The following ECEL1 variants were observed in gnomAD, a reference collection of about 807,000 sequenced individuals.
ECEL1 encodes endothelin-converting enzyme-like 1.
A neutral mutation model predicts 101.8 loss-of-function variants in ECEL1; 87 were observed. The observed-to-expected ratio is 0.85, with a 90% confidence interval of 0.72 to 1.02. The LOEUF is 1.02. ECEL1 is among the 50% of genes least tolerant of loss of function. The probability of loss-of-function intolerance (pLI) is 0.00; values close to 1 mark genes in which losing one functional copy is unlikely to be tolerated. For synonymous variants in ECEL1, 487 were observed against 468.7 expected (o/e 1.04, Z -0.50); for missense variants, 1,032 against 1,079.2 (o/e 0.96, Z 0.61).
At chr2:232,480,930 C>A in intron 15 of ECEL1, 117 bp from the exon 16 acceptor site, 2 of 1,342,892 alleles carry the variant, frequency 1.5e-6, no homozygotes, top group Admixed American at 2.1e-5. Context: ...CCCGTGAATC[C>A]TTCCTCTTCC....
rs956651139 is a variant in ECEL1 at position 232,483,868 on chromosome 2, C to T, written c.1407+133G>A. On this transcript the variant is annotated intron_variant, in intron 7 of 17. Transcript: ENST00000304546. ...GAGCAGCCTGGGGCCTCAGAATCGG[C>T]TGAGTACTTAGCAGGGCCTGGTCCC... 6 of 1,033,436 alleles carry T rather than the reference C, an allele frequency of 5.8e-6. No individual in the cohort carries two copies. In the African/African-American group the frequency reaches 9.6e-5, roughly 17 times the overall value. The allele number at this position is 1,033,436 out of a possible 1,614,324, so 64.0% of individuals were successfully genotyped here. A position where few individuals can be genotyped will look rare whatever the true frequency, so the allele number is the denominator to read the frequency against.
chr2:232,480,279 G>GT lies in ECEL1; in HGVS notation c.2229-28dup, dbSNP rs1195576703. The GT allele has an allele frequency of 1.9e-6, 3 of 1,612,816 alleles. No individual in the cohort carries two copies. The South Asian group carries it at 3.3e-5, about 18-fold the overall frequency. ...TGGGGTGGGGAGAGACCCACACAGT[G>GT]TTGGGCCCTGCAGCCACTCCAGCCC... On this transcript the variant is annotated intron_variant, in intron 17 of 17. Transcript: ENST00000304546.
chr2:232,486,348 G>C lies in ECEL1; in HGVS notation c.306C>G (p.Arg102=), dbSNP rs1374576142. Residue 102 remains arginine, a synonymous_variant, in exon 2 of 18, where the codon CGC becomes CGG. Transcript: ENST00000304546. ...AGCGAGCGGCGCGCGCGAAGGCCTT[G>C]CGCTCAGGGCAGCCCTCGGGACAGG... ...GGACPEGCPE[R]KAFARAARFL... is the part of the protein sequence containing the mutation. The C allele has an allele frequency of 2.6e-6, 4 of 1,543,886 alleles. No homozygotes were observed. The Admixed American group carries it at 7.7e-5, about 30-fold the overall frequency.
intron 8 of ECEL1, 115 bp from the exon 9 acceptor site, chr2:232,483,294 T>A (rs1272363872): frequency 7.4e-7 from 1 of 1,351,736 alleles, no homozygotes; most frequent in Non-Finnish European, 1.0e-6. Flanking sequence ...GGCTTCACAG[T>A]GGGGGAGGCA....
At chr2:232,484,408 G>A in intron 6 of ECEL1, 64 bp downstream of exon 6, 1 of 1,599,998 alleles carries the variant, frequency 6.3e-7, no homozygotes, top group Non-Finnish European at 8.5e-7. Flanking sequence ...CAGCAGAGAG[G>A]TCCAGGGTGC....
chr2:232,484,592 C>T lies in ECEL1; in HGVS notation c.1064G>A (p.Arg355Gln), dbSNP rs372254060. Residue 355 changes from arginine to glutamine, a missense_variant, in exon 6 of 18, where the codon CGG becomes CAG. By Grantham distance (43) the Arg-to-Gln change is conservative. Transcript: ENST00000304546. ...GQLQKITPHL[R>Q]WKWLLDQIFQ... Reference sequence around the variant, plus strand: ...GATCTGGTCTAGCAGCCACTTCCACCGCAACTGTGAGACCAAGGACAGGGA... The same window carrying T: ...GATCTGGTCTAGCAGCCACTTCCACTGCAACTGTGAGACCAAGGACAGGGA... 136 of 1,613,908 alleles carry T rather than the reference C, an allele frequency of 8.4e-5. No homozygotes were observed. Among genetic ancestry groups the T allele is most frequent in the African/African-American group, 5.3e-4 (40 of 75,046 alleles).
chr2:232,481,471 G>C, intron 14 of ECEL1, 35 bp downstream of exon 14: 4 of 1,585,936 alleles, frequency 2.5e-6, no homozygotes, highest in Non-Finnish European at 3.4e-6. Context: ...GCCCCACCAG[G>C]CCTGAGGGGC....
intron 1 of ECEL1, among the ~76,000 whole-genome samples, chr2:232,487,306 C>T (rs949910911): frequency 1.3e-5 from 2 of 152,286 alleles, no homozygotes; most frequent in African/African-American, 4.8e-5. Flanking sequence ...CCCGACGGCC[C>T]ACTCGCCCCT....
At position 232,481,093 on chromosome 2, in the gene ECEL1, G is replaced by A; in HGVS notation, c.2053C>T (p.His685Tyr). Reference sequence around the variant, plus strand: ...TGGAGCACAGGCAGGCCGCTCACGTGGTAGGCCAGCTTGAGGCCGCCCATA... The same window carrying A: ...TGGAGCACAGGCAGGCCGCTCACGTAGTAGGCCAGCTTGAGGCCGCCCATA... ...ADMGGLKLAY[H>Y]AYQKWVREHG... Residue 685 changes from histidine to tyrosine, a missense_variant and splice_region_variant, in exon 15 of 18, where the codon CAC (histidine) becomes TAC (tyrosine). His to Tyr is a moderately conservative substitution (Grantham distance 83). Transcript: ENST00000304546. The A allele has an allele frequency of 6.4e-7, 1 of 1,559,312 alleles. No homozygotes were observed. The highest frequency in any genetic ancestry group is 1.2e-5 in the South Asian group (1 of 84,584).
intron 10 of ECEL1, 114 bp downstream of exon 10, chr2:232,482,737 G>T: frequency 6.7e-7 from 1 of 1,499,568 alleles, no homozygotes; most frequent in Non-Finnish European, 9.2e-7. Flanking sequence ...CCCATGCCCT[G>T]TGCTGGCGTG....
chr2:232,480,853 C>A, intron 15 of ECEL1, 40 bp from the exon 16 acceptor site: 1 of 1,564,300 alleles, frequency 6.4e-7, no homozygotes, highest in South Asian at 1.2e-5. Context: ...TGCCCGCCCA[C>A]CCTGGGCACC....
chr2:232,485,942 C>G lies in ECEL1; in HGVS notation c.712G>C (p.Val238Leu). 6.3e-7 allele frequency: 1 copy of G among 1,583,836 alleles called. No homozygotes were observed. The highest frequency in any genetic ancestry group is 8.6e-7 in the Non-Finnish European group (1 of 1,167,414). The change falls in exon 2 of 18, where the codon GTG becomes CTG. Residue 238 changes from valine to leucine, a missense_variant. By Grantham distance (32) the Val-to-Leu change is conservative. Coordinates refer to ENST00000304546, the MANE Select transcript of ECEL1 (RefSeq NM_004826.4). ...LNRLLYKAQG[V>L]YSAAALFSLT... ...GAGAAGAGCGCGGCGGCGCTGTACA[C>G]GCCCTGCGCCTTGTACAGCAGCCGG... is the stretch of plus-strand genomic sequence containing the variant.
Position 232,486,334 on chromosome 2 carries a change from C to T in ECEL1, c.320G>A (p.Arg107His), listed in dbSNP as rs1690726758. 6.4e-7 allele frequency: 1 copy of T among 1,561,176 alleles called. No individual in the cohort carries two copies. The highest frequency in any genetic ancestry group is 8.6e-7 in the Non-Finnish European group (1 of 1,161,960). The change falls in exon 2 of 18, where the codon CGC becomes CAC. Residue 107 changes from arginine (R) to histidine (H), a missense_variant. Arg to His is a conservative substitution (Grantham distance 29). Coordinates refer to ENST00000304546, the MANE Select transcript of ECEL1 (RefSeq NM_004826.4). ...EGCPERKAFA[R>H]AARFLAANLD... ...GTTGGCGGCCAGGAAGCGAGCGGCG[C>T]GCGCGAAGGCCTTGCGCTCAGGGCA...
In ECEL1 at chr2:232,480,461, C is replaced by T. The variant is rs370058908; in HGVS notation, c.2166G>A (p.Lys722=). The change falls in exon 17 of 18, where the codon AAG becomes AAA. Residue 722 remains lysine (K), a synonymous_variant. Coordinates refer to ENST00000304546, the MANE Select transcript of ECEL1 (RefSeq NM_004826.4). ...FIAFAQNWCI[K]RRSQSIYLQV... ...GCAGGTAGATGGACTGCGACCGCCGCTTGATGCACCAGTTCTGGGTCCAGG... is the reference window on the plus strand; with the variant it reads ...GCAGGTAGATGGACTGCGACCGCCGTTTGATGCACCAGTTCTGGGTCCAGG... 5.1e-5 allele frequency: 83 copies of T among 1,613,838 alleles called. No homozygotes were observed. The highest frequency in any genetic ancestry group is 3.3e-4 in the East Asian group (15 of 44,880).
rs533271815 is a variant in ECEL1 at position 232,483,286 on chromosome 2, C to T, written c.1507-107G>A. The T allele has an allele frequency of 2.1e-6, 3 of 1,438,402 alleles. No individual in the cohort carries two copies. In the East Asian group the frequency reaches 8.9e-5, roughly 43 times the overall value. 89.1% of individuals were successfully genotyped at this position (1,438,402 alleles called of 1,614,324 possible). On this transcript the variant is annotated intron_variant, in intron 8 of 17. Coordinates refer to ENST00000304546, the MANE Select transcript of ECEL1 (RefSeq NM_004826.4). ...AGCACTAGGCCAGCCTGGGAGTGGG[C>T]TTCACAGTGGGGGAGGCAGGCCTGG...
intron 2 of ECEL1, 129 bp from the exon 3 acceptor site, chr2:232,485,396 C>T (rs1559276561): frequency 1.9e-6 from 2 of 1,044,578 alleles, no homozygotes; most frequent in East Asian, 2.6e-5. Flanking sequence ...GCACGCAGAC[C>T]CCAGCTCCTC....
At position 232,480,746 on chromosome 2, in the gene ECEL1, T is replaced by C. The variant is rs750875864; in HGVS notation, c.2123A>G (p.Asp708Gly). 14 of 1,613,982 alleles carry C rather than the reference T, an allele frequency of 8.7e-6. No homozygotes were observed. Among genetic ancestry groups the C allele is most frequent in the Admixed American group, 1.7e-5 (1 of 60,002 alleles). The change falls in exon 16 of 18, where the codon GAC (aspartate) becomes GGC (glycine). Residue 708 changes from aspartate (D) to glycine (G), a missense_variant. Asp to Gly is a moderately conservative substitution (Grantham distance 94, BLOSUM62 -1). Transcript: ENST00000304546. ...GGCAAAGGCAATGAAGAAGAGCTGG[T>C]CATGTGTGTACTTGAGCCGGGGAAG... ...HPLPRLKYTH[D>G]QLFFIAFAQN... is the part of the protein sequence containing the mutation.
Position 232,480,123 on chromosome 2 carries a change from C to A in ECEL1, c.*30G>T. ...CAGCAGGAGGTGATTCGTGCGGGGG[C>A]AGTGGGGGCGTGCAGGCGGGCAGCC... On this transcript the variant is annotated 3_prime_UTR_variant, in exon 18 of 18. Coordinates refer to ENST00000304546, the MANE Select transcript of ECEL1 (RefSeq NM_004826.4). 1 of 1,606,100 alleles carries A rather than the reference C, an allele frequency of 6.2e-7. No homozygotes were observed.
chr2:232,485,825 C>T (rs750991100), intron 2 of ECEL1, 43 bp downstream of exon 2: 4 of 1,535,522 alleles, frequency 2.6e-6, no homozygotes, highest in South Asian at 1.2e-5. Context: ...CACTGCGCCC[C>T]GGATCCGCGG....
Sources: allele counts gnomAD v4.1 joint callset (sites outside exome capture counted in the v4.1 genomes callset), GRCh38; gene constraint gnomAD v4.1.1; transcripts MANE v1.5; gene names NCBI Gene and HGNC (gene_info 2026-07-23, HGNC 2026-07-21).